The following COPA variants were observed in gnomAD, a reference collection of about 807,000 sequenced individuals.
COPA encodes coatomer subunit alpha.
A neutral mutation model predicts 158.7 loss-of-function variants in COPA; 10 were observed. The observed-to-expected ratio is 0.06, with a 90% CI of 0.04 to 0.11. The LOEUF is 0.11. Among genes scored for constraint, COPA ranks in the 10% least tolerant of loss-of-function variants. The pLI, the probability that COPA is intolerant of heterozygous loss-of-function variation, is 1.00. For missense variants in COPA, 1,065 were observed against 1,536.7 expected, an observed-to-expected ratio of 0.69 and a Z score of 5.13; for synonymous variants, 462 against 542.8, an observed-to-expected ratio of 0.85 and a Z score of 2.07.
rs558916923 is a variant in COPA at position 160,316,594 on chromosome 1, T to C, written c.707-2469A>G. On this transcript the variant is annotated intron_variant, in intron 8 of 32. Coordinates refer to ENST00000241704, the MANE Select transcript of COPA (RefSeq NM_004371.4). The stretch of plus-strand genomic sequence containing the variant: ...GGAGAAACCCTGTCTCTACTAAAAA[T>C]ACAAAATTAGCCGGGTGTGGTGGTG... Among the ~76,000 whole-genome samples the C allele has an allele frequency of 1.9e-4, 28 of 150,016 alleles. 1 individual carries two copies. Among genetic ancestry groups the C allele is most frequent in the African/African-American group, 6.9e-4 (28 of 40,724 alleles).
chr1:160,306,126 G>A lies in COPA; in HGVS notation c.1442+228C>T, dbSNP rs575988845. The stretch of plus-strand genomic sequence containing the variant: ...AGCTCGGAGAACACGCTTTGTTCAG[G>A]TAAGTACTGTAAAAACAGATAAATA... On this transcript the variant is annotated intron_variant, in intron 15 of 32. Transcript: ENST00000241704. 3.3e-5 allele frequency among the ~76,000 whole-genome samples: 5 copies of A among 152,288 alleles called. No homozygotes were observed. The East Asian group carries it at 7.7e-4, about 23-fold the overall frequency.
chr1:160,335,204 AAG>A lies in COPA; in HGVS notation c.309+36_309+37del, dbSNP rs1647700948. On this transcript the variant is annotated intron_variant, in intron 4 of 32. Coordinates refer to ENST00000241704, the MANE Select transcript of COPA (RefSeq NM_004371.4). ...AAATAAAGATTACTATGGGGAAACT[AAG>A]AATGCTCCAAAACTAGCGCCACCAT... 8.4e-6 allele frequency: 13 copies of A among 1,554,624 alleles called. 1 individual carries two copies. In the East Asian group the frequency reaches 3.0e-4, roughly 36 times the overall value.
chr1:160,311,061 C>G (rs1350908388), intron 11 of COPA, among the ~76,000 whole-genome samples: 4 of 152,138 alleles, frequency 2.6e-5, no homozygotes, highest in African/African-American at 9.7e-5. Context: ...TTCCTTGCCT[C>G]CCTCACTCAT....
intron 6 of COPA, among the ~76,000 whole-genome samples, chr1:160,329,254 A>G (rs1215354794): frequency 6.6e-6 from 1 of 152,250 alleles, no homozygotes; most frequent in Non-Finnish European, 1.5e-5. Flanking sequence ...GGTAAAGAAC[A>G]ACACTTAGAA....
At chr1:160,299,317 G>A (rs1326984907) in intron 17 of COPA, 53 bp from the exon 18 acceptor site, 3 of 1,536,206 alleles carry the variant, frequency 2.0e-6, no homozygotes, top group Admixed American at 3.6e-5. Flanking sequence ...TCCATCCTGT[G>A]AAGAAACGGA....
intron 6 of COPA, among the ~76,000 whole-genome samples, chr1:160,328,228 T>C (rs1647349534): frequency 6.6e-6 from 1 of 152,244 alleles, no homozygotes. Flanking sequence ...GTCTGGTATA[T>C]GAAACAGATT....
At chr1:160,295,693 C>A in intron 23 of COPA, 43 bp downstream of exon 23, 1 of 1,556,226 alleles carries the variant, frequency 6.4e-7, no homozygotes, top group Non-Finnish European at 8.7e-7. Flanking sequence ...CAGTTCTTCA[C>A]AAAACAAACA....
chr1:160,335,304 G>C lies in COPA; in HGVS notation c.247C>G (p.Arg83Gly). 1 of 1,611,176 alleles carries C rather than the reference G, an allele frequency of 6.2e-7. No individual in the cohort carries two copies. The highest frequency in any genetic ancestry group is 8.5e-7 in the Non-Finnish European group (1 of 1,178,704). The part of the protein sequence containing the change: ...YKIKVWNYKL[R>G]RCLFTLLGHL... ...CCAAGCAATGTGAAAAGACAGCGCCGAAGCTTGTAATTCCAAACCTGCAAA... is the reference window on the plus strand; with the variant it reads ...CCAAGCAATGTGAAAAGACAGCGCCCAAGCTTGTAATTCCAAACCTGCAAA... The change falls in exon 4 of 33, where the codon CGG becomes GGG. Residue 83 changes from arginine (R) to glycine (G), a missense_variant. Physicochemically the swap from Arg to Gly is moderately radical, Grantham distance 125. This residue lies in a region of COPA where 85 missense variants were observed against 178.9 expected (regional missense o/e 0.48). Transcript: ENST00000241704.
At chr1:160,330,984 G>A (rs1326040076) in intron 6 of COPA, among the ~76,000 whole-genome samples, 2 of 151,760 alleles carry the variant, frequency 1.3e-5, no homozygotes, top group Non-Finnish European at 2.9e-5. Context: ...GACCAGCCTG[G>A]CCAACATGGT....
At chr1:160,330,168 T>A (rs761533727) in intron 6 of COPA, among the ~76,000 whole-genome samples, 39 of 151,820 alleles carry the variant, frequency 2.6e-4, no homozygotes, top group Non-Finnish European at 5.0e-4. Flanking sequence ...TAGCATGAAT[T>A]GGGATCCAAG....
At chr1:160,299,368 C>T (rs1658522217) in intron 17 of COPA, 104 bp from the exon 18 acceptor site, 1 of 1,121,876 alleles carries the variant, frequency 8.9e-7, no homozygotes, top group African/African-American at 1.6e-5. Context: ...GCCATTTGAA[C>T]AATGATATAG....
At chr1:160,303,461 G>A (rs1368815265) in intron 17 of COPA, among the ~76,000 whole-genome samples, 1 of 152,158 alleles carries the variant, frequency 6.6e-6, no homozygotes, top group Non-Finnish European at 1.5e-5. Flanking sequence ...CAATAATGCT[G>A]CTGGGCAATT....
chr1:160,293,608 C>T (rs1285516962), intron 25 of COPA, 145 bp from the exon 26 acceptor site: 3 of 643,740 alleles, frequency 4.7e-6, no homozygotes, highest in Non-Finnish European at 7.8e-6. Context: ...AATCCTCCAA[C>T]CTCAGCTTCC....
intron 21 of COPA, 116 bp downstream of exon 21, chr1:160,297,227 C>A: frequency 1.1e-6 from 1 of 902,394 alleles, no homozygotes; most frequent in Non-Finnish European, 1.7e-6. Flanking sequence ...TGTTGTCTCT[C>A]CTAAAAAAAT....
intron 8 of COPA, among the ~76,000 whole-genome samples, chr1:160,316,475 G>A (rs1659142260): frequency 6.6e-6 from 1 of 152,094 alleles, no homozygotes; most frequent in Non-Finnish European, 1.5e-5. Context: ...CAATTGGCTG[G>A]CGTGGTGGCT....
intron 27 of COPA, among the ~76,000 whole-genome samples, chr1:160,292,886 C>A (rs1201106398): frequency 6.6e-6 from 1 of 152,000 alleles, no homozygotes; most frequent in African/African-American, 2.4e-5. Context: ...TCAAAACAGA[C>A]CTCTGCTTGG....
Position 160,297,386 on chromosome 1 carries a change from A to G in COPA, c.2220T>C (p.Gly740=). 6 of 1,614,118 alleles carry G rather than the reference A, an allele frequency of 3.7e-6. No homozygotes were observed. Among genetic ancestry groups the G allele is most frequent in the Non-Finnish European group, 5.1e-6 (6 of 1,180,030 alleles). ...GGATCCGCACACGCTCTGACACATC[A>G]CCCAGGTATAGGGCATTCTGATAGT... ...SGHYQNALYL[G]DVSERVRILK... is the part of the protein sequence containing the mutation. Residue 740 remains glycine, a synonymous_variant, in exon 21 of 33, where the codon GGT becomes GGC. Transcript: ENST00000241704.
chr1:160,290,522 C>T lies in COPA; in HGVS notation c.3585G>A (p.Glu1195=). The T allele has an allele frequency of 6.2e-7, 1 of 1,614,192 alleles. No homozygotes were observed. The highest frequency in any genetic ancestry group is 8.5e-7 in the Non-Finnish European group (1 of 1,180,026). ...CPLSGACYSP[E]FKGQICRVTT... Reference sequence around the variant, plus strand: ...TGACCCTGCAGATTTGACCTTTGAACTCAGGGGAATAGCAGGCCCCACTGA... The same window carrying T: ...TGACCCTGCAGATTTGACCTTTGAATTCAGGGGAATAGCAGGCCCCACTGA... Residue 1195 remains glutamate, a synonymous_variant, in exon 32 of 33, where the codon GAG becomes GAA. Transcript: ENST00000241704.
chr1:160,299,918 T>A (rs1363964796), intron 17 of COPA, among the ~76,000 whole-genome samples: 2 of 152,036 alleles, frequency 1.3e-5, no homozygotes, highest in African/African-American at 4.8e-5. Context: ...GTAGAGAAGT[T>A]CAATGAAAGC....
Sources: gnomAD v4.1 joint callset for allele counts (sites outside exome capture counted in the v4.1 genomes callset) on GRCh38, gnomAD v4.1.1 for gene constraint, gnomAD v4.1.1 regional missense constraint, MANE v1.5 for transcripts, NCBI Gene and HGNC (gene_info 2026-07-23, HGNC 2026-07-21) for gene names.